The following MBP variants were observed in gnomAD, a reference collection of about 807,000 sequenced individuals.
MBP encodes Golli-MBP.
In MBP, 16 loss-of-function variants were observed where a neutral mutation model predicts 35.8. The ratio of observed to expected loss-of-function variants is 0.45; its 90% confidence interval spans 0.30 to 0.68. The LOEUF (loss-of-function observed/expected upper bound fraction) is 0.68. Among genes scored for constraint, MBP ranks in the 30% least tolerant of loss-of-function variants. The pLI, the probability that MBP is intolerant of heterozygous loss-of-function variation, is 0.08. For missense variants in MBP, 380 were observed against 404.7 expected (o/e 0.94, Z 0.52); for synonymous variants, 143 against 159.6 (o/e 0.90, Z 0.78).
At chr18:77,025,438 C>T (rs1972170418) in intron 3 of MBP, among the ~76,000 whole-genome samples, 1 of 152,150 alleles carries the variant, frequency 6.6e-6, no homozygotes, top group Non-Finnish European at 1.5e-5. Context: ...TGCACCATAG[C>T]CACCTGGACA....
chr18:77,053,535 C>G (rs1973595713), intron 3 of MBP, among the ~76,000 whole-genome samples: 1 of 147,516 alleles, frequency 6.8e-6, no homozygotes, highest in African/African-American at 2.5e-5. Context: ...TATGTGCACA[C>G]ATCACAAAGC....
At chr18:77,111,582 G>T (rs1410951800) in intron 1 of MBP, among the ~76,000 whole-genome samples, 1 of 152,234 alleles carries the variant, frequency 6.6e-6, no homozygotes, top group African/African-American at 2.4e-5. Flanking sequence ...AGGTCCACTC[G>T]GTCTTGTGAG....
intron 3 of MBP, among the ~76,000 whole-genome samples, chr18:77,051,860 T>C (rs1037692875): frequency 1.3e-5 from 2 of 152,156 alleles, no homozygotes; most frequent in South Asian, 2.1e-4. Context: ...TTTCCCTTTT[T>C]TTAACACCTT....
intron 3 of MBP, among the ~76,000 whole-genome samples, chr18:77,034,051 C>CA (rs398033591): frequency 0.035 from 2,474 of 70,296 alleles, 100 homozygotes; most frequent in African/African-American, 0.077. Context: ...CCTAATGGGG[C>CA]AAAAAAAAAA....
At chr18:77,046,157 A>G (rs967853564) in intron 3 of MBP, among the ~76,000 whole-genome samples, 3 of 152,254 alleles carry the variant, frequency 2.0e-5, no homozygotes, top group African/African-American at 4.8e-5. Flanking sequence ...AGCTGTTAAA[A>G]TGTTGCATAG....
At chr18:77,093,103 A>G (rs76472188) in intron 2 of MBP, 73,089 of 151,998 alleles carry the variant, frequency 0.48, 19,257 homozygotes, top group East Asian at 0.76. Context: ...TGTGGGCAAA[A>G]GAACAGTGCC....
chr18:77,001,822 C>G (rs993873396), intron 4 of MBP, among the ~76,000 whole-genome samples: 4 of 152,098 alleles, frequency 2.6e-5, no homozygotes, highest in African/African-American at 9.7e-5. Flanking sequence ...TGCACTCCAG[C>G]CTGGGTGACA....
At chr18:77,029,218 G>A (rs993572185) in intron 3 of MBP, among the ~76,000 whole-genome samples, 43 of 145,026 alleles carry the variant, frequency 3.0e-4, no homozygotes, top group Non-Finnish European at 6.0e-4. Flanking sequence ...AGACCAGCCC[G>A]GCCAACACAG....
chr18:77,067,832 G>A (rs188317364), intron 2 of MBP: 148 of 513,822 alleles, frequency 2.9e-4, no homozygotes, highest in African/African-American at 2.7e-3. Context: ...TTTTCCTTCT[G>A]GAGAGAGGGG....
chr18:77,073,066 C>T (rs12955019), intron 2 of MBP, among the ~76,000 whole-genome samples: 49,493 of 152,060 alleles, frequency 0.33, 8,335 homozygotes, highest in South Asian at 0.43. Context: ...CTTTAGTTGA[C>T]AATGAATACT....
chr18:77,127,340 A>G (rs1367645945), intron 1 of MBP: 1 of 152,230 alleles, frequency 6.6e-6, no homozygotes, highest in African/African-American at 2.4e-5. Flanking sequence ...GCAAAACCCA[A>G]ACCAAACCAA....
At chr18:77,066,246 G>T in intron 3 of MBP, 52 bp downstream of exon 3, 2 of 1,341,762 alleles carry the variant, frequency 1.5e-6, no homozygotes, top group Non-Finnish European at 2.1e-6. Flanking sequence ...TGAGAGTGCA[G>T]GTGCACGCTG....
chr18:76,981,665 C>G (rs1186269046), intron 8 of MBP: 1 of 152,258 alleles, frequency 6.6e-6, no homozygotes, highest in Admixed American at 6.5e-5. Context: ...CCTCCCAAGA[C>G]AGGCAGCTTT....
intron 4 of MBP, among the ~76,000 whole-genome samples, chr18:77,007,457 G>A (rs370059080): frequency 4.6e-5 from 7 of 152,182 alleles, no homozygotes; most frequent in South Asian, 2.1e-4. Flanking sequence ...GCCAGGCATC[G>A]CCGGCCCCTG....
chr18:77,015,290 A>G, intron 4 of MBP: 1 of 985,354 alleles, frequency 1.0e-6, no homozygotes, highest in Non-Finnish European at 1.2e-6. Flanking sequence ...ACCTTGAAGT[A>G]AGCAGAATAG....
At chr18:77,119,666 C>G (rs960133056) in intron 1 of MBP, among the ~76,000 whole-genome samples, 2 of 152,310 alleles carry the variant, frequency 1.3e-5, no homozygotes, top group Admixed American at 6.5e-5. Flanking sequence ...TGGTGAGCCC[C>G]AGGGAGCCGA....
At chr18:77,087,151 A>G (rs572446798) in intron 2 of MBP, among the ~76,000 whole-genome samples, 36 of 151,664 alleles carry the variant, frequency 2.4e-4, no homozygotes, top group African/African-American at 8.2e-4. Context: ...TGCCACCGCA[A>G]ACGGAAAGAG....
At chr18:76,980,617 C>T in intron 8 of MBP, 146 bp from the exon 9 acceptor site, 2 of 650,596 alleles carry the variant, frequency 3.1e-6, no homozygotes, top group South Asian at 3.5e-5. Context: ...GAGAGCTGGT[C>T]TTTTCATTCC....
chr18:77,069,322 C>G (rs1317043903), intron 2 of MBP, among the ~76,000 whole-genome samples: 3 of 152,118 alleles, frequency 2.0e-5, no homozygotes, highest in Non-Finnish European at 4.4e-5. Flanking sequence ...AATAATTTCC[C>G]GATAGTCTTT....
Sources: gnomAD v4.1 joint callset for allele counts (sites outside exome capture counted in the v4.1 genomes callset) on GRCh38, gnomAD v4.1.1 for gene constraint, MANE v1.5 for transcripts, NCBI Gene and HGNC (gene_info 2026-07-23, HGNC 2026-07-21) for gene names.